The following SLFN12L variants were observed in gnomAD, a reference collection of about 807,000 sequenced individuals.
The protein encoded by SLFN12L is schlafen family member 12 like.
A neutral mutation model predicts 34.8 loss-of-function variants in SLFN12L; 34 were observed. That is an observed-to-expected ratio of 0.98 (90% CI 0.74 to 1.30). The LOEUF (loss-of-function observed/expected upper bound fraction) is 1.30. SLFN12L is among the 50% of genes most tolerant of loss of function. The pLI is 0.00. For missense variants in SLFN12L, 703 were observed against 696.2 expected, an observed-to-expected ratio of 1.01 and a Z score of -0.11; for synonymous variants, 259 against 247.5, an observed-to-expected ratio of 1.05 and a Z score of -0.44.
At position 35,469,138 on chromosome 17, in the gene SLFN12L, C is replaced by T. The variant is rs1432558512; in HGVS notation, c.*5785G>A. 6.6e-6 allele frequency among the ~76,000 whole-genome samples: 1 copy of T among 151,000 alleles called. No individual in the cohort carries two copies. The highest frequency in any genetic ancestry group is 1.9e-4 in the East Asian group (1 of 5,146). On this transcript the variant is annotated 3_prime_UTR_variant, in exon 5 of 5. Transcript: ENST00000628453. ...ACTCCCCAGTGCCTACCCCTACTAC[C>T]CCCTCAAGCTTTCCCCCGTGACTTC... is the stretch of plus-strand genomic sequence containing the variant.
chr17:35,489,064 T>C (rs1030769674), intron 2 of SLFN12L, among the ~76,000 whole-genome samples: 24 of 152,188 alleles, frequency 1.6e-4, no homozygotes, highest in African/African-American at 5.5e-4. Context: ...AGCGAGACTT[T>C]GCCTCAAAAA....
At position 35,469,297 on chromosome 17, in the gene SLFN12L, T is replaced by A. The variant is rs149697750; in HGVS notation, c.*5626A>T. On this transcript the variant is annotated 3_prime_UTR_variant, in exon 5 of 5. Transcript: ENST00000628453. ...GGACCTGTTTTATATAAAATATATA[T>A]ATATAAAATATATATATATTATATA... Among the ~76,000 whole-genome samples the A allele has an allele frequency of 0.044, 6,117 of 138,228 alleles. 320 individuals are homozygous for A. Among genetic ancestry groups the A allele is most frequent in the East Asian group, 0.14 (684 of 4,778 alleles). 90.7% of individuals were successfully genotyped at this position (138,228 alleles called of 152,430 possible).
intron 2 of SLFN12L, among the ~76,000 whole-genome samples, chr17:35,503,930 C>T (rs1199900172): frequency 6.6e-6 from 1 of 152,094 alleles, no homozygotes; most frequent in Non-Finnish European, 1.5e-5. Context: ...CAAGAAAGCA[C>T]CACCCCCTCC....
intron 1 of SLFN12L, among the ~76,000 whole-genome samples, chr17:35,530,799 C>T (rs1164324750): frequency 2.6e-5 from 4 of 152,156 alleles, no homozygotes; most frequent in African/African-American, 9.7e-5. Context: ...ACAACCTGCA[C>T]AATCACTTTT....
chr17:35,485,488 G>C (rs1312849909), intron 2 of SLFN12L, among the ~76,000 whole-genome samples: 2 of 152,144 alleles, frequency 1.3e-5, no homozygotes, highest in Non-Finnish European at 2.9e-5. Flanking sequence ...TGTTTACTCT[G>C]TTGAGACTTT....
At chr17:35,527,881 G>T (rs952845010) in intron 1 of SLFN12L, among the ~76,000 whole-genome samples, 2 of 152,062 alleles carry the variant, frequency 1.3e-5, no homozygotes, top group Admixed American at 6.6e-5. Context: ...AGAAATAAAG[G>T]GTATTCAAGT....
rs140147099 is a variant in SLFN12L, at chr17:35,534,424, T to C, written c.-606+3149A>G. On this transcript the variant is annotated intron_variant, in intron 1 of 4. Coordinates refer to ENST00000628453, the MANE Select transcript of SLFN12L (RefSeq NM_001363830.2). ...TTAAGCAGGAAGACACAGCATCAGA[T>C]GAACATTTTTCAAAGTCCTTTCTAG... 3.2e-4 allele frequency among the ~76,000 whole-genome samples: 48 copies of C among 152,268 alleles called. No individual in the cohort carries two copies. The East Asian group carries it at 8.9e-3, about 28-fold the overall frequency.
At chr17:35,505,488 T>A (rs1341151457) in intron 2 of SLFN12L, among the ~76,000 whole-genome samples, 1 of 152,200 alleles carries the variant, frequency 6.6e-6, no homozygotes. Flanking sequence ...ATGGTGACTT[T>A]CATGAATACA....
intron 1 of SLFN12L, among the ~76,000 whole-genome samples, chr17:35,526,222 C>T (rs1397425083): frequency 6.6e-6 from 1 of 152,142 alleles, no homozygotes; most frequent in Non-Finnish European, 1.5e-5. Flanking sequence ...TTCTTAGAGA[C>T]CTACCAAGAG....
At position 35,522,379 on chromosome 17, in the gene SLFN12L, T is replaced by C; in HGVS notation, c.-15A>G. On this transcript the variant is annotated 5_prime_UTR_variant, in exon 2 of 5. The change abolishes an upstream ATG in the 5' untranslated region. Transcript: ENST00000628453. ...ATCTTCTCCATGATCTTCATGGCCA[T>C]GATGGTCTTTCCTAAGCCAGGTAAG... 9 of 1,614,210 alleles carry C rather than the reference T, an allele frequency of 5.6e-6. No homozygotes were observed. Among genetic ancestry groups the C allele is most frequent in the Non-Finnish European group, 5.9e-6 (7 of 1,180,026 alleles).
At chr17:35,496,379 G>A (rs1915076256) in intron 2 of SLFN12L, among the ~76,000 whole-genome samples, 1 of 152,140 alleles carries the variant, frequency 6.6e-6, no homozygotes, top group Admixed American at 6.5e-5. Flanking sequence ...TGTTAATTAT[G>A]AAATATTTCA....
chr17:35,479,320 T>C lies in SLFN12L; in HGVS notation c.962A>G (p.Glu321Gly). Residue 321 changes from glutamate (E) to glycine (G), a missense_variant, in exon 3 of 5, where the codon GAG becomes GGG. Transcript: ENST00000628453. ...GCATAAGTAATTTATCGTCCCCTTCTCCACACAGAAGTGATGCACAGGCAG... is the reference window on the plus strand; with the variant it reads ...GCATAAGTAATTTATCGTCCCCTTCCCCACACAGAAGTGATGCACAGGCAG... ...GKLPVHHFCV[E>G]KGTINYLCKF... is the part of the protein sequence containing the mutation. The C allele has an allele frequency of 6.3e-7, 1 of 1,586,302 alleles. No homozygotes were observed.
intron 2 of SLFN12L, chr17:35,515,265 G>C (rs2142162451): frequency 2.3e-6 from 1 of 437,538 alleles, no homozygotes. Context: ...CGAGCACAGG[G>C]AGCCGCTCAG....
At chr17:35,534,248 G>A (rs9891568) in intron 1 of SLFN12L, among the ~76,000 whole-genome samples, 18,698 of 152,096 alleles carry the variant, frequency 0.12, 1,263 homozygotes, top group African/African-American at 0.17. Flanking sequence ...TGCAGTCCCA[G>A]CTACTCGGGA....
At chr17:35,534,529 T>C (rs2072440774) in intron 1 of SLFN12L, among the ~76,000 whole-genome samples, 1 of 151,604 alleles carries the variant, frequency 6.6e-6, no homozygotes, top group South Asian at 2.1e-4. Flanking sequence ...GATGGTGATG[T>C]GGACTAAGGT....
chr17:35,496,346 CA>C (rs901266704), intron 2 of SLFN12L, among the ~76,000 whole-genome samples: 22 of 149,890 alleles, frequency 1.5e-4, no homozygotes, highest in African/African-American at 4.2e-4. Context: ...GAGACCCACT[CA>C]AAAAAAAATA....
chr17:35,494,285 G>A (rs1401378760), intron 2 of SLFN12L, among the ~76,000 whole-genome samples: 1 of 151,692 alleles, frequency 6.6e-6, no homozygotes, highest in Non-Finnish European at 1.5e-5. Flanking sequence ...ATTTGTTACA[G>A]GGTGACCTGT....
chr17:35,526,028 G>A (rs1186470497), intron 1 of SLFN12L, among the ~76,000 whole-genome samples: 1 of 151,818 alleles, frequency 6.6e-6, no homozygotes, highest in East Asian at 1.9e-4. Flanking sequence ...ACCAAGCAAA[G>A]GAAAGCAAAG....
chr17:35,529,824 C>A (rs1212861639), intron 1 of SLFN12L, among the ~76,000 whole-genome samples: 3 of 151,748 alleles, frequency 2.0e-5, no homozygotes, highest in Non-Finnish European at 4.4e-5. Flanking sequence ...GCACATGTAC[C>A]CCAGAACTTA....
Sources: allele counts gnomAD v4.1 joint callset (sites outside exome capture counted in the v4.1 genomes callset), GRCh38; gene constraint gnomAD v4.1.1; transcripts MANE v1.5; gene names NCBI Gene and HGNC (gene_info 2026-07-23, HGNC 2026-07-21).